The following PDGFB variants were observed in gnomAD, a reference collection of about 807,000 sequenced individuals.
PDGFB encodes the protein platelet-derived growth factor subunit B.
In PDGFB, 6 loss-of-function variants were observed where a neutral mutation model predicts 29.0. That is an observed-to-expected ratio of 0.21 (90% confidence interval 0.11 to 0.41). The LOEUF is 0.41. Ranked by LOEUF, PDGFB falls within the 10% of genes least tolerant of loss-of-function variation. PDGFB has a pLI of 1.00. For synonymous variants in PDGFB, 144 were observed against 140.8 expected, an observed-to-expected ratio of 1.02 and a Z score of -0.16; for missense variants, 299 against 341.8, an observed-to-expected ratio of 0.87 and a Z score of 0.99.
chr22:39,233,684 G>C (rs1188365163), intron 2 of PDGFB, among the ~76,000 whole-genome samples, 160 bp from the exon 3 acceptor site: 2 of 152,196 alleles, frequency 1.3e-5, no homozygotes, highest in Non-Finnish European at 1.5e-5. Flanking sequence ...GCCCTGAGCA[G>C]GGACCCTCCA....
intron 1 of PDGFB, among the ~76,000 whole-genome samples, chr22:39,239,174 A>G (rs1932511513): frequency 6.6e-6 from 1 of 152,176 alleles, no homozygotes; most frequent in African/African-American, 2.4e-5. Flanking sequence ...ATCATCATTA[A>G]TTCTTTCCGG....
chr22:39,236,756 G>A (rs1017206501), intron 1 of PDGFB, among the ~76,000 whole-genome samples: 3 of 152,208 alleles, frequency 2.0e-5, no homozygotes, highest in African/African-American at 4.8e-5. Flanking sequence ...GAGGGCAGAT[G>A]GGAGACTGAG....
At chr22:39,235,614 T>C (rs1297919491) in intron 2 of PDGFB, among the ~76,000 whole-genome samples, 164 bp downstream of exon 2, 2 of 152,248 alleles carry the variant, frequency 1.3e-5, no homozygotes, top group Non-Finnish European at 2.9e-5. Flanking sequence ...ACCCGCCTGC[T>C]GACTCGGCCC....
intron 4 of PDGFB, among the ~76,000 whole-genome samples, chr22:39,230,659 G>C (rs903391122): frequency 7.9e-5 from 12 of 152,230 alleles, no homozygotes; most frequent in African/African-American, 2.9e-4. Flanking sequence ...CATCCATAGA[G>C]CTGGAAGCAT....
intron 5 of PDGFB, among the ~76,000 whole-genome samples, chr22:39,228,893 A>AAAAAAAAAAAAAAAAT (rs1184799325): frequency 1.8e-4 from 24 of 132,608 alleles, no homozygotes; most frequent in East Asian, 4.1e-4. Flanking sequence ...CCTCAAAAAA[A>AAAAAAAAAAAAAAAAT]ATATATATAT....
At chr22:39,230,042 C>T in intron 5 of PDGFB, 42 bp downstream of exon 5, 1 of 1,599,630 alleles carries the variant, frequency 6.3e-7, no homozygotes, top group Non-Finnish European at 8.5e-7. Flanking sequence ...CCAGCTGCTG[C>T]AGGGGAAGGG....
chr22:39,240,821 G>T, intron 1 of PDGFB: 1 of 1,610,728 alleles, frequency 6.2e-7, no homozygotes, highest in Non-Finnish European at 8.5e-7. Flanking sequence ...CCTCAATGTG[G>T]GGAGGGGAAG....
intron 5 of PDGFB, 118 bp downstream of exon 5, chr22:39,229,966 G>T (rs1174535907): frequency 2.5e-6 from 3 of 1,186,030 alleles, no homozygotes; most frequent in Admixed American, 2.2e-5. Flanking sequence ...TGAAAAGAAA[G>T]CCTCCCGTGA....
chr22:39,226,904 G>A (rs931820058), intron 5 of PDGFB, among the ~76,000 whole-genome samples: 5 of 152,230 alleles, frequency 3.3e-5, no homozygotes, highest in African/African-American at 1.2e-4. Flanking sequence ...GCTCTCCCAC[G>A]TATCGTGGAC....
intron 4 of PDGFB, among the ~76,000 whole-genome samples, chr22:39,230,719 G>A (rs1012938948): frequency 2.0e-5 from 3 of 152,212 alleles, no homozygotes; most frequent in African/African-American, 2.4e-5. Context: ...AGTGACATTC[G>A]TAGTCTCAGG....
In PDGFB at chr22:39,231,591, C is replaced by T; in HGVS notation, c.456+31G>A. The T allele has an allele frequency of 6.7e-7, 1 of 1,499,834 alleles. No homozygotes were observed. The highest frequency in any genetic ancestry group is 1.3e-5 in the South Asian group (1 of 79,950). 92.9% of individuals were successfully genotyped at this position (1,499,834 alleles called of 1,614,324 possible). ...GGGTGGTCTCCACCCACCACCGGGA[C>T]CAGCCTCGGGGGGCCGCGGAGCCTA... On this transcript the variant is annotated intron_variant, in intron 4 of 6. Transcript: ENST00000331163. The surrounding 1 kb of genome is among the most constrained non-coding windows in gnomAD (Gnocchi z 4.3).
intron 4 of PDGFB, among the ~76,000 whole-genome samples, chr22:39,230,718 C>G (rs553237842): frequency 2.6e-5 from 4 of 152,174 alleles, no homozygotes; most frequent in African/African-American, 9.7e-5. Context: ...GAGTGACATT[C>G]GTAGTCTCAG....
intron 1 of PDGFB, among the ~76,000 whole-genome samples, chr22:39,238,773 G>A (rs1932502794): frequency 6.6e-6 from 1 of 152,264 alleles, no homozygotes; most frequent in Non-Finnish European, 1.5e-5. Context: ...TCTGCAGCAT[G>A]TCCCACGTCA....
intron 1 of PDGFB, among the ~76,000 whole-genome samples, chr22:39,238,776 C>G (rs6001513): frequency 0.022 from 3,325 of 152,372 alleles, 121 homozygotes; most frequent in African/African-American, 0.075. Flanking sequence ...GCAGCATGTC[C>G]CACGTCAGAG....
In PDGFB at chr22:39,231,752, C is replaced by T. The variant is rs763444206; in HGVS notation, c.326G>A (p.Arg109His). ...TRTEVFEISR[R>H]LIDRTNANFL... The stretch of plus-strand genomic sequence containing the variant: ...GTTGGCGTTGGTGCGGTCTATGAGG[C>T]GCCGGGAGATCTCGAACACCTCGGT... The change falls in exon 4 of 7, where the codon CGC becomes CAC. Residue 109 changes from arginine to histidine, a missense_variant. Physicochemically the swap from Arg to His is conservative, Grantham distance 29. Transcript: ENST00000331163. This position sits in a 1 kb window ranked among gnomAD's most constrained non-coding sequence, Gnocchi z 4.3. 3.4e-5 allele frequency: 55 copies of T among 1,613,086 alleles called. No homozygotes were observed. In the Admixed American group the frequency reaches 3.7e-4, roughly 11 times the overall value.
At chr22:39,228,425 CA>C (rs960813961) in intron 5 of PDGFB, among the ~76,000 whole-genome samples, 26 of 151,890 alleles carry the variant, frequency 1.7e-4, no homozygotes, top group African/African-American at 6.0e-4. Flanking sequence ...CTCATCTCTA[CA>C]AAAACTTAAA....
rs1042395713 is a variant in PDGFB at position 39,224,920 on chromosome 22, G to A, written c.*422C>T. On this transcript the variant is annotated 3_prime_UTR_variant, in exon 7 of 7. Transcript: ENST00000331163. ...CCCTCAGAGCTGGCCAGGGGTTCAG[G>A]GATCAGGCAGGCTATGCTGAGAGGT... 38 of 152,602 alleles carry A rather than the reference G, an allele frequency of 2.5e-4. No homozygotes were observed. Among genetic ancestry groups the A allele is most frequent in the African/African-American group, 9.1e-4 (38 of 41,546 alleles). 9.5% of individuals were successfully genotyped at this position (152,602 alleles called of 1,614,324 possible). A position where few individuals can be genotyped will look rare whatever the true frequency, so the allele number is the denominator to read the frequency against.
At position 39,240,921 on chromosome 22, in the gene PDGFB, G is replaced by GCA. The variant is rs66513025; in HGVS notation, c.63+2978_63+2979dup. 1.1e-3 allele frequency: 1,346 copies of GCA among 1,231,554 alleles called. 1 individual carries two copies. Among genetic ancestry groups the GCA allele is most frequent in the African/African-American group, 7.6e-3 (461 of 60,782 alleles). 76.3% of individuals were successfully genotyped at this position (1,231,554 alleles called of 1,614,324 possible). A position where few individuals can be genotyped will look rare whatever the true frequency, so the allele number is the denominator to read the frequency against. ...CTCTCTCTCTCTCTCTCTCAGATGC[G>GCA]CACACACACACACACACACACTCTC... On this transcript the variant is annotated intron_variant, in intron 1 of 6. Coordinates refer to ENST00000331163, the MANE Select transcript of PDGFB (RefSeq NM_002608.4).
At chr22:39,228,392 C>T (rs1439412069) in intron 5 of PDGFB, among the ~76,000 whole-genome samples, 2 of 151,218 alleles carry the variant, frequency 1.3e-5, no homozygotes, top group Non-Finnish European at 2.9e-5. Flanking sequence ...AGTTAGAGAC[C>T]AGCCTGAGCA....
Sources: allele counts gnomAD v4.1 joint callset (sites outside exome capture counted in the v4.1 genomes callset), GRCh38; gene constraint gnomAD v4.1.1; non-coding constraint Gnocchi (gnomAD v3.1); transcripts MANE v1.5; gene names NCBI Gene and HGNC (gene_info 2026-07-23, HGNC 2026-07-21).